UNC79: variants seen among roughly 807,000 people sequenced by gnomAD.
UNC79 encodes unc-79 subunit of NALCN channel complex, also known as protein unc-79 homolog.
Under a neutral mutation model 283.1 loss-of-function variants are expected in UNC79, and 37 were observed. The ratio of observed to expected loss-of-function variants is 0.13; its 90% CI spans 0.10 to 0.17. UNC79 has a LOEUF of 0.17. Among genes scored for constraint, UNC79 ranks in the 10% least tolerant of loss-of-function variants. The pLI, the probability that UNC79 is intolerant of heterozygous loss-of-function variation, is 1.00. For missense variants in UNC79, 2,272 were observed against 3,211.1 expected (o/e 0.71, Z 7.07); for synonymous variants, 1,107 against 1,200.2 (o/e 0.92, Z 1.61).
At chr14:93,613,844 T>C (rs2066489443) in intron 27 of UNC79, among the ~76,000 whole-genome samples, 1 of 152,202 alleles carries the variant, frequency 6.6e-6, no homozygotes, top group Non-Finnish European at 1.5e-5. Flanking sequence ...TGTATCTTAA[T>C]GAAGAAATCT....
At chr14:93,411,985 G>C (rs1057209450) in intron 1 of UNC79, among the ~76,000 whole-genome samples, 1 of 152,230 alleles carries the variant, frequency 6.6e-6, no homozygotes, top group Non-Finnish European at 1.5e-5. Flanking sequence ...AAGATATGTT[G>C]CCTTTCAGAC....
intron 1 of UNC79, among the ~76,000 whole-genome samples, chr14:93,384,672 G>T (rs2054733087): frequency 1.3e-5 from 2 of 152,148 alleles, no homozygotes; most frequent in African/African-American, 4.8e-5. Flanking sequence ...TTTGTTGATT[G>T]TGTCCTTTGC....
chr14:93,393,621 A>G (rs746081687), intron 1 of UNC79, among the ~76,000 whole-genome samples: 1 of 152,234 alleles, frequency 6.6e-6, no homozygotes, highest in Non-Finnish European at 1.5e-5. Context: ...ATGAATATGC[A>G]AACTTTTCTA....
chr14:93,478,378 G>A (rs1250442970), intron 4 of UNC79, among the ~76,000 whole-genome samples: 1 of 152,128 alleles, frequency 6.6e-6, no homozygotes, highest in Non-Finnish European at 1.5e-5. Flanking sequence ...TTCCAGACAT[G>A]CGCACAAAGA....
At chr14:93,570,452 G>A (rs1233832974) in intron 14 of UNC79, among the ~76,000 whole-genome samples, 1 of 152,134 alleles carries the variant, frequency 6.6e-6, no homozygotes, top group East Asian at 1.9e-4. Flanking sequence ...CCTGCCCTCT[G>A]AGCATATCAT....
intron 7 of UNC79, among the ~76,000 whole-genome samples, chr14:93,500,374 A>C (rs1444801164): frequency 1.3e-5 from 2 of 152,152 alleles, no homozygotes; most frequent in Non-Finnish European, 2.9e-5. Context: ...GCTGCCCTCC[A>C]GGCACTGTCC....
At chr14:93,524,109 T>G in intron 8 of UNC79, 67 bp downstream of exon 8, 1 of 1,541,960 alleles carries the variant, frequency 6.5e-7, no homozygotes, top group Non-Finnish European at 9.0e-7. Flanking sequence ...TGAAGTGGAG[T>G]AGATTGCATC....
intron 48 of UNC79, among the ~76,000 whole-genome samples, chr14:93,706,434 A>C (rs2075884074): frequency 6.6e-6 from 1 of 152,192 alleles, no homozygotes; most frequent in African/African-American, 2.4e-5. Flanking sequence ...GTGTTAGCCC[A>C]GCACTGGTGT....
chr14:93,493,990 G>A (rs945835764), intron 5 of UNC79, among the ~76,000 whole-genome samples: 22 of 139,932 alleles, frequency 1.6e-4, no homozygotes, highest in African/African-American at 4.8e-4. Context: ...TGCAACTTCC[G>A]CCTCCCAGGT....
At chr14:93,669,648 G>T (rs1438224621) in intron 40 of UNC79, among the ~76,000 whole-genome samples, 1 of 152,036 alleles carries the variant, frequency 6.6e-6, no homozygotes, top group Admixed American at 6.6e-5. Flanking sequence ...AGGTAACCCT[G>T]AGCCTGGGTA....
rs118180632 is a variant in UNC79 at position 93,401,043 on chromosome 14, T to G, written c.-350-66628T>G. On this transcript the variant is annotated intron_variant, in intron 1 of 49. Transcript: ENST00000256339. Reference sequence around the variant, plus strand: ...GGTGTTGATGGGGATAGGAAAATAGTGCATGGTTTATGTATGCTGAGTTTA... The same window carrying G: ...GGTGTTGATGGGGATAGGAAAATAGGGCATGGTTTATGTATGCTGAGTTTA... Among the ~76,000 whole-genome samples the G allele has an allele frequency of 2.0e-3, 306 of 152,262 alleles. 5 individuals carry two copies. In the East Asian group the frequency reaches 0.021, roughly 10 times the overall value.
chr14:93,680,147 T>G (rs2073724459), intron 41 of UNC79, among the ~76,000 whole-genome samples: 3 of 152,220 alleles, frequency 2.0e-5, no homozygotes, highest in Admixed American at 2.0e-4. Context: ...TAGTAAGAGT[T>G]CTCATAAATC....
Position 93,580,030 on chromosome 14 carries a change from T to C in UNC79, c.2434-119T>C, listed in dbSNP as rs936405422. 3 of 822,214 alleles carry C rather than the reference T, an allele frequency of 3.6e-6. No homozygotes were observed. The African/African-American group carries it at 5.2e-5, about 14-fold the overall frequency. 50.9% of individuals were successfully genotyped at this position (822,214 alleles called of 1,614,324 possible). A position where few individuals can be genotyped will look rare whatever the true frequency, so the allele number is the denominator to read the frequency against. ...TTAAATAATTCAATATTTCTGTCAGTTAGTGAAAATCATCCCCAAGTAGTG... is the reference window on the plus strand; with the variant it reads ...TTAAATAATTCAATATTTCTGTCAGCTAGTGAAAATCATCCCCAAGTAGTG... On this transcript the variant is annotated intron_variant, in intron 18 of 48. Coordinates refer to ENST00000555664, the Ensembl canonical transcript of UNC79.
chr14:93,527,915 G>A (rs968152736), intron 8 of UNC79, among the ~76,000 whole-genome samples: 2 of 151,416 alleles, frequency 1.3e-5, no homozygotes, highest in Non-Finnish European at 1.5e-5. Context: ...GCTTAGGCTC[G>A]TGAAACCCAG....
intron 1 of UNC79, among the ~76,000 whole-genome samples, chr14:93,439,909 A>G (rs1042407416): frequency 2.5e-4 from 38 of 152,256 alleles, no homozygotes; most frequent in African/African-American, 9.1e-4. Flanking sequence ...ACTATCTTAG[A>G]AATTTTAAAA....
chr14:93,705,149 C>T (rs1300435858), intron 48 of UNC79, among the ~76,000 whole-genome samples: 1 of 151,866 alleles, frequency 6.6e-6, no homozygotes, highest in Non-Finnish European at 1.5e-5. Context: ...GTGGGAGGAT[C>T]ACTTGGAAGC....
chr14:93,690,039 C>T lies in UNC79; in HGVS notation c.7086-78C>T, dbSNP rs2074566643. 4 of 1,491,654 alleles carry T rather than the reference C, an allele frequency of 2.7e-6. No individual in the cohort carries two copies. 92.4% of individuals were successfully genotyped at this position (1,491,654 alleles called of 1,614,324 possible). On this transcript the variant is annotated intron_variant, in intron 44 of 48. Transcript: ENST00000555664. The surrounding 1 kb of genome is among the most constrained non-coding windows in gnomAD (Gnocchi z 4.3). Reference sequence around the variant, plus strand: ...TGCAAGACCACACTTTCAATCCCTTCCTTCAATAAGCATTTGTTATGCACC... The same window carrying T: ...TGCAAGACCACACTTTCAATCCCTTTCTTCAATAAGCATTTGTTATGCACC...
rs1182172873 is a variant in UNC79, at chr14:93,348,177, GT to G, written c.-351+14659del. 6 of 1,121,506 alleles carry G rather than the reference GT, an allele frequency of 5.3e-6. No individual in the cohort carries two copies. In the African/African-American group the frequency reaches 9.2e-5, roughly 17 times the overall value. 69.5% of individuals were successfully genotyped at this position (1,121,506 alleles called of 1,614,324 possible). On this transcript the variant is annotated intron_variant, in intron 1 of 49. Coordinates refer to the UNC79 transcript ENST00000256339. The stretch of plus-strand genomic sequence containing the variant: ...CCAAAAAACTTTCAGAAAAAGCTGT[GT>G]TTTTGTTAACGAGCAAAATTGCCTA...
intron 31 of UNC79, among the ~76,000 whole-genome samples, chr14:93,633,677 G>A (rs1261967158): frequency 1.3e-5 from 2 of 152,170 alleles, no homozygotes; most frequent in African/African-American, 4.8e-5. Context: ...GGGACTGCTG[G>A]GAATAGGACC....
Sources: gnomAD v4.1 joint callset for allele counts (sites outside exome capture counted in the v4.1 genomes callset) on GRCh38, gnomAD v4.1.1 for gene constraint, Gnocchi (gnomAD v3.1) non-coding constraint, MANE v1.5 for transcripts, NCBI Gene and HGNC (gene_info 2026-07-23, HGNC 2026-07-21) for gene names.